CCDC175: variants seen among roughly 807,000 people sequenced by gnomAD.
The protein encoded by CCDC175 is coiled-coil domain containing 175.
In CCDC175, 100 loss-of-function variants were observed where a neutral mutation model predicts 114.6. The observed-to-expected ratio is 0.87, with a 90% CI of 0.74 to 1.03. The LOEUF (loss-of-function observed/expected upper bound fraction) is 1.03. CCDC175 is among the 50% of genes least tolerant of loss of function. CCDC175 has a pLI of 0.00. For synonymous variants in CCDC175, 306 were observed against 308.7 expected, an observed-to-expected ratio of 0.99 and a Z score of 0.09; for missense variants, 880 against 917.8, an observed-to-expected ratio of 0.96 and a Z score of 0.53.
At position 59,543,409 on chromosome 14, in the gene CCDC175, C is replaced by T. The variant is rs1420468265; in HGVS notation, c.1218G>A (p.Leu406=). The T allele has an allele frequency of 6.8e-7, 1 of 1,476,968 alleles. No homozygotes were observed. Among genetic ancestry groups the T allele is most frequent in the Non-Finnish European group, 9.0e-7 (1 of 1,109,296 alleles). The allele number at this position is 1,476,968 out of a possible 1,614,324, so 91.5% of individuals were successfully genotyped here. ...LTFISQKEYF[L]SQKRVDIKNM... ...TTTTGATGTCTACTCTCTTTTGTGA[C>T]AGAAAGTATTCTTTCTGAGAAATAA... is the stretch of plus-strand genomic sequence containing the variant. The change falls in exon 10 of 20, where the codon CTG becomes CTA. Residue 406 remains leucine, a synonymous_variant. Coordinates refer to ENST00000537690, the MANE Select transcript of CCDC175 (RefSeq NM_001164399.2).
intron 18 of CCDC175, 71 bp from the exon 19 acceptor site, chr14:59,510,879 G>C (rs933676893): frequency 7.5e-7 from 1 of 1,340,336 alleles, no homozygotes; most frequent in East Asian, 2.5e-5. Flanking sequence ...ATTCTAAGTG[G>C]ATCATGTCCA....
At chr14:59,548,800 C>T (rs547284992) in intron 8 of CCDC175, among the ~76,000 whole-genome samples, 2 of 152,280 alleles carry the variant, frequency 1.3e-5, no homozygotes, top group Admixed American at 6.5e-5. Context: ...ATGCTGATAG[C>T]TCACAAAAGC....
chr14:59,536,845 G>T (rs1338434219), intron 13 of CCDC175, among the ~76,000 whole-genome samples: 1 of 151,598 alleles, frequency 6.6e-6, no homozygotes, highest in Non-Finnish European at 1.5e-5. Flanking sequence ...GCAGTGGTGT[G>T]ATCTCGGCTC....
At chr14:59,532,540 G>A (rs912220661) in intron 13 of CCDC175, among the ~76,000 whole-genome samples, 2 of 152,216 alleles carry the variant, frequency 1.3e-5, no homozygotes, top group Non-Finnish European at 2.9e-5. Flanking sequence ...GGGCTCCTGA[G>A]TTTCAGCTGA....
chr14:59,528,136 T>C (rs1404957446), intron 14 of CCDC175, among the ~76,000 whole-genome samples: 1 of 152,076 alleles, frequency 6.6e-6, no homozygotes, highest in East Asian at 1.9e-4. Flanking sequence ...GTATCTAATG[T>C]TGGAAATTAT....
rs567673418 is a variant in CCDC175, at chr14:59,552,564, C to T, written c.954-1128G>A. On this transcript the variant is annotated intron_variant, in intron 7 of 19. Transcript: ENST00000537690. Reference sequence around the variant, plus strand: ...AAAATTCTAAAAATCAGAGCACCTCCCCCCCTCCAAAAGAACACAGCTCCT... The same window carrying T: ...AAAATTCTAAAAATCAGAGCACCTCTCCCCCTCCAAAAGAACACAGCTCCT... Among the ~76,000 whole-genome samples the T allele has an allele frequency of 9.9e-5, 15 of 152,172 alleles. No homozygotes were observed. In the South Asian group the frequency reaches 3.1e-3, roughly 32 times the overall value.
chr14:59,541,904 T>A (rs1329212816), intron 10 of CCDC175, among the ~76,000 whole-genome samples: 1 of 152,190 alleles, frequency 6.6e-6, no homozygotes, highest in Non-Finnish European at 1.5e-5. Flanking sequence ...TTATTAGTAG[T>A]TCGTAGTTTT....
At chr14:59,545,480 C>T (rs1895046530) in intron 8 of CCDC175, among the ~76,000 whole-genome samples, 181 bp from the exon 9 acceptor site, 1 of 152,016 alleles carries the variant, frequency 6.6e-6, no homozygotes, top group Admixed American at 6.6e-5. Flanking sequence ...GAGACCTCTA[C>T]TATAAATTTT....
chr14:59,538,508 A>T (rs975886373), intron 12 of CCDC175, among the ~76,000 whole-genome samples, 197 bp downstream of exon 12: 1 of 152,236 alleles, frequency 6.6e-6, no homozygotes, highest in African/African-American at 2.4e-5. Flanking sequence ...AGCATATTCT[A>T]CTGTATTTGC....
Position 59,511,615 on chromosome 14 carries a change from G to A in CCDC175, c.2142+145C>T, listed in dbSNP as rs1480510704. The A allele has an allele frequency of 9.0e-6, 5 of 557,628 alleles. 1 individual carries two copies. The highest frequency in any genetic ancestry group is 5.8e-5 in the Admixed American group (2 of 34,382). 34.5% of individuals were successfully genotyped at this position (557,628 alleles called of 1,614,324 possible). ...TCACAGTAGCATCTAGGACTGCAGG[G>A]GAGTGAGAGAGCTAGTGTGAATTTC... On this transcript the variant is annotated intron_variant, in intron 18 of 19. Transcript: ENST00000537690.
chr14:59,543,369 G>C lies in CCDC175; in HGVS notation c.1258C>G (p.Leu420Val), dbSNP rs1283487878. 6 of 1,448,786 alleles carry C rather than the reference G, an allele frequency of 4.1e-6. No homozygotes were observed. The highest frequency in any genetic ancestry group is 5.5e-6 in the Non-Finnish European group (6 of 1,084,220). The allele number at this position is 1,448,786 out of a possible 1,614,324, so 89.7% of individuals were successfully genotyped here. Residue 420 changes from leucine to valine, a missense_variant, in exon 10 of 20, where the codon CTC (leucine) becomes GTC (valine). Physicochemically the swap from Leu to Val is conservative, Grantham distance 32. Transcript: ENST00000537690. ...RVDIKNMEEG[L>V]ITLQELQQAT... ...TGTTGAAGTTCCTGGAGTGTGATGA[G>C]TCCTTCTTCCATATTTTTGATGTCT...
intron 13 of CCDC175, among the ~76,000 whole-genome samples, chr14:59,536,942 G>A (rs1274925330): frequency 6.6e-6 from 1 of 151,896 alleles, no homozygotes; most frequent in African/African-American, 2.4e-5. Flanking sequence ...CACCATGCCT[G>A]GCTAATTTTT....
At chr14:59,531,991 G>C (rs938228942) in intron 13 of CCDC175, 81 bp from the exon 14 acceptor site, 8 of 705,288 alleles carry the variant, frequency 1.1e-5, no homozygotes, top group African/African-American at 1.1e-4. Context: ...TAAGTTTTTT[G>C]AGGGAAAGAG....
At chr14:59,545,121 T>C in intron 9 of CCDC175, 42 bp downstream of exon 9, 1 of 1,520,408 alleles carries the variant, frequency 6.6e-7, no homozygotes, top group Non-Finnish European at 8.8e-7. Context: ...AAGCACCCCA[T>C]AATGATGGCA....
At chr14:59,508,266 G>A (rs965880069) in intron 19 of CCDC175, among the ~76,000 whole-genome samples, 6 of 151,722 alleles carry the variant, frequency 4.0e-5, no homozygotes, top group East Asian at 1.9e-4. Context: ...CGTTCGCCCC[G>A]CTTTGTTTAG....
chr14:59,576,764 G>C lies in CCDC175; in HGVS notation c.12C>G (p.Ser4Arg). The change falls in exon 1 of 20, where the codon AGC becomes AGG. Residue 4 changes from serine (S) to arginine (R), a missense_variant. By Grantham distance (110) the Ser-to-Arg change is moderately radical. Transcript: ENST00000537690. ...CAGCGCCCAGCCCTGGGGTCCAGGG[G>C]CTCAGGGCCATTTTGCCGCTCTACT... MAL[S>R]PWTPGLGAGE... 6.9e-7 allele frequency: 1 copy of C among 1,445,676 alleles called. No homozygotes were observed. The highest frequency in any genetic ancestry group is 9.0e-7 in the Non-Finnish European group (1 of 1,111,588). The allele number at this position is 1,445,676 out of a possible 1,614,324, so 89.6% of individuals were successfully genotyped here. A position where few individuals can be genotyped will look rare whatever the true frequency, so the allele number is the denominator to read the frequency against.
rs180857706 is a variant in CCDC175 at position 59,527,760 on chromosome 14, A to G, written c.1763-586T>C. On this transcript the variant is annotated intron_variant, in intron 14 of 19. Transcript: ENST00000537690. Reference sequence around the variant, plus strand: ...CAACCTTTCAAATTTTATTTCACATATAGTCAAACACATTAACATATCTGT... The same window carrying G: ...CAACCTTTCAAATTTTATTTCACATGTAGTCAAACACATTAACATATCTGT... Among the ~76,000 whole-genome samples the G allele has an allele frequency of 4.6e-5, 7 of 152,294 alleles. No homozygotes were observed. In the East Asian group the frequency reaches 1.3e-3, roughly 29 times the overall value.
Position 59,560,591 on chromosome 14 carries a change from A to G in CCDC175, c.953+528T>C, listed in dbSNP as rs80176542. On this transcript the variant is annotated intron_variant, in intron 7 of 19. Coordinates refer to ENST00000537690, the MANE Select transcript of CCDC175 (RefSeq NM_001164399.2). The stretch of plus-strand genomic sequence containing the variant: ...AGAAGAGAATACTGTGTGCAGATAA[A>G]GAGAGGAGTAAAACACTTCCACAAA... Among the ~76,000 whole-genome samples the G allele has an allele frequency of 4.0e-3, 605 of 152,308 alleles. 2 individuals are homozygous for G. The highest frequency in any genetic ancestry group is 0.014 in the African/African-American group (566 of 41,574).
chr14:59,531,415 T>G lies in CCDC175; in HGVS notation c.1762+357A>C, dbSNP rs9788523. Among the ~76,000 whole-genome samples the G allele has an allele frequency of 6.6e-5, 10 of 152,140 alleles. No individual in the cohort carries two copies. In the East Asian group the frequency reaches 1.7e-3, roughly 26 times the overall value. ...GTTAAAATCATAGCAGGAAAAGAGA[T>G]ATAATTTGCAAATTCACGGTAAGAA... On this transcript the variant is annotated intron_variant, in intron 14 of 19. Coordinates refer to ENST00000537690, the MANE Select transcript of CCDC175 (RefSeq NM_001164399.2).
Sources: allele counts gnomAD v4.1 joint callset (sites outside exome capture counted in the v4.1 genomes callset), GRCh38; gene constraint gnomAD v4.1.1; transcripts MANE v1.5; gene names NCBI Gene and HGNC (gene_info 2026-07-23, HGNC 2026-07-21).